The following SNRNP25 variants were observed in gnomAD, a reference collection of about 807,000 sequenced individuals.
SNRNP25 encodes U11/U12 small nuclear ribonucleoprotein 25 kDa protein.
In SNRNP25, 21 loss-of-function variants were observed where a neutral mutation model predicts 23.9. That is an observed-to-expected ratio of 0.88 (90% CI 0.62 to 1.27). SNRNP25 has a LOEUF of 1.27. Ranked by LOEUF, SNRNP25 falls within the 50% of genes most tolerant of loss-of-function variation. The probability of loss-of-function intolerance (pLI) is 0.00; values close to 1 mark genes in which losing one functional copy is unlikely to be tolerated. For synonymous variants in SNRNP25, 63 were observed against 60.4 expected, an observed-to-expected ratio of 1.04 and a Z score of -0.20; for missense variants, 160 against 156.9, an observed-to-expected ratio of 1.02 and a Z score of -0.11.
intron 2 of SNRNP25, 29 bp downstream of exon 2, chr16:55,578 A>C: frequency 6.2e-7 from 1 of 1,611,668 alleles, no homozygotes; most frequent in Non-Finnish European, 8.5e-7. Context: ...CCTTCAGGTT[A>C]TGTGGTCCAG....
chr16:54,277 G>A (rs1897379098), intron 1 of SNRNP25, among the ~76,000 whole-genome samples: 2 of 152,366 alleles, frequency 1.3e-5, no homozygotes, highest in South Asian at 4.1e-4. Context: ...GACATCAAAT[G>A]ACATTTTAAT....
Position 53,876 on chromosome 16 carries a change from G to T in SNRNP25, c.-141G>T, listed in dbSNP as rs1897372448. 1.3e-6 allele frequency: 2 copies of T among 1,487,122 alleles called. No individual in the cohort carries two copies. Among genetic ancestry groups the T allele is most frequent in the Non-Finnish European group, 1.8e-6 (2 of 1,099,266 alleles). 92.1% of individuals were successfully genotyped at this position (1,487,122 alleles called of 1,614,324 possible). ...GGCCTCCCTAGTGCGGGCTGGCAGT[G>T]CGGGCAGAGCCCGGCTGAGAGGGGC... is the stretch of plus-strand genomic sequence containing the variant. On this transcript the variant is annotated 5_prime_UTR_variant, in exon 1 of 5. Transcript: ENST00000293861.
intron 1 of SNRNP25, 40 bp from the exon 2 acceptor site, chr16:55,419 G>C (rs1382441320): frequency 1.3e-6 from 2 of 1,583,622 alleles, no homozygotes; most frequent in Non-Finnish European, 1.7e-6. Flanking sequence ...AGGTGGTAAA[G>C]AGAGCCAGGG....
intron 3 of SNRNP25, chr16:56,307 G>A (rs1288968647): frequency 1.7e-5 from 12 of 708,700 alleles, no homozygotes; most frequent in Non-Finnish European, 1.8e-5. Flanking sequence ...CAACACTGTC[G>A]CCTGTTGCAT....
In SNRNP25 at chr16:55,768, T is replaced by C. The variant is rs1398637474; in HGVS notation, c.134-9T>C. On this transcript the variant is annotated splice_polypyrimidine_tract_variant and intron_variant, in intron 2 of 4. Coordinates refer to ENST00000293861, the MANE Select transcript of SNRNP25 (RefSeq NM_024571.4). ...ATGGATCTTCTCCCATCTGTGTCCG[T>C]GGTTGCAGCCGTGGTTGTAGTGCAG... 2 of 1,613,706 alleles carry C rather than the reference T, an allele frequency of 1.2e-6. No homozygotes were observed. Among genetic ancestry groups the C allele is most frequent in the Non-Finnish European group, 8.5e-7 (1 of 1,179,860 alleles).
chr16:53,874 G>A lies in SNRNP25; in HGVS notation c.-143G>A, dbSNP rs1372247887. 24 of 1,486,874 alleles carry A rather than the reference G, an allele frequency of 1.6e-5. No individual in the cohort carries two copies. In the South Asian group the frequency reaches 2.5e-4, roughly 16 times the overall value. The allele number at this position is 1,486,874 out of a possible 1,614,324, so 92.1% of individuals were successfully genotyped here. On this transcript the variant is annotated 5_prime_UTR_variant, in exon 1 of 5. It adds an upstream start codon to the 5' untranslated region. Coordinates refer to ENST00000293861, the MANE Select transcript of SNRNP25 (RefSeq NM_024571.4). ...TTGGCCTCCCTAGTGCGGGCTGGCA[G>A]TGCGGGCAGAGCCCGGCTGAGAGGG...
At position 56,706 on chromosome 16, in the gene SNRNP25, C is replaced by T. The variant is rs57112603; in HGVS notation, c.314+93C>T. The T allele has an allele frequency of 3.8e-3, 5,183 of 1,351,756 alleles. 158 individuals are homozygous for T. In the African/African-American group the frequency reaches 0.065, roughly 17 times the overall value. 83.7% of individuals were successfully genotyped at this position (1,351,756 alleles called of 1,614,324 possible). A position where few individuals can be genotyped will look rare whatever the true frequency, so the allele number is the denominator to read the frequency against. ...TGCCAGAGGGCTGCGGCTCCCTCTCCGGAGATAACACCCTCCTCCAAGGAG... is the reference window on the plus strand; with the variant it reads ...TGCCAGAGGGCTGCGGCTCCCTCTCTGGAGATAACACCCTCCTCCAAGGAG... On this transcript the variant is annotated intron_variant, in intron 4 of 4. Transcript: ENST00000293861.
In SNRNP25 at chr16:56,410, G is replaced by A. The variant is rs1354071441; in HGVS notation, c.240-129G>A. 13 of 852,204 alleles carry A rather than the reference G, an allele frequency of 1.5e-5. No homozygotes were observed. The East Asian group carries it at 3.2e-4, about 21-fold the overall frequency. 52.8% of individuals were successfully genotyped at this position (852,204 alleles called of 1,614,324 possible). On this transcript the variant is annotated intron_variant, in intron 3 of 4. Coordinates refer to ENST00000293861, the MANE Select transcript of SNRNP25 (RefSeq NM_024571.4). ...TCAGACCCAATCTGCACATTGTACA[G>A]AACAGCCCAGGTAGGGAGGACAGCT...
intron 1 of SNRNP25, 114 bp from the exon 2 acceptor site, chr16:55,345 T>G: frequency 1.2e-6 from 1 of 869,446 alleles, no homozygotes; most frequent in Non-Finnish European, 1.9e-6. Flanking sequence ...CCACCCTTCC[T>G]TGCCCTTCGT....
Position 57,145 on chromosome 16 carries a change from C to T in SNRNP25, c.*2C>T, listed in dbSNP as rs748499873. On this transcript the variant is annotated 3_prime_UTR_variant, in exon 5 of 5. Transcript: ENST00000293861. ...ATCAAAAAGCTGAGGCAAAAGTGAG[C>T]CTCCAGACAGGACAACCCTCTTCAT... The T allele has an allele frequency of 5.0e-5, 81 of 1,613,916 alleles. No homozygotes were observed. The highest frequency in any genetic ancestry group is 6.1e-5 in the Non-Finnish European group (72 of 1,179,974).
At position 53,952 on chromosome 16, in the gene SNRNP25, A is replaced by T. The variant is rs1057240351; in HGVS notation, c.-65A>T. 2.5e-6 allele frequency: 4 copies of T among 1,591,890 alleles called. No individual in the cohort carries two copies. Among genetic ancestry groups the T allele is most frequent in the Non-Finnish European group, 1.7e-6 (2 of 1,170,580 alleles). Reference sequence around the variant, plus strand: ...GGTGGGCCCGAGGCGCAAGAGGAAGATGAGGACGAAGAAGAGGCGCTGCCG... The same window carrying T: ...GGTGGGCCCGAGGCGCAAGAGGAAGTTGAGGACGAAGAAGAGGCGCTGCCG... On this transcript the variant is annotated 5_prime_UTR_variant, in exon 1 of 5. It removes an upstream start codon present in the reference 5' UTR. Transcript: ENST00000293861.
Position 55,522 on chromosome 16 carries a change from G to A in SNRNP25, c.106G>A (p.Val36Met), listed in dbSNP as rs138670525. The part of the protein sequence containing the change: ...LEYGQAMTVR[V>M]CKMDGEVMPV... ...ATACGGCCAGGCAATGACGGTCCGA[G>A]TGTGCAAGATGGATGGAGAAGTAAT... Residue 36 changes from valine to methionine, a missense_variant, in exon 2 of 5, where the codon GTG becomes ATG. By Grantham distance (21) the Val-to-Met change is conservative. Coordinates refer to ENST00000293861, the MANE Select transcript of SNRNP25 (RefSeq NM_024571.4). 1.4e-5 allele frequency: 22 copies of A among 1,614,078 alleles called. No individual in the cohort carries two copies. The highest frequency in any genetic ancestry group is 1.9e-5 in the Non-Finnish European group (22 of 1,180,050).
chr16:55,556 G>A lies in SNRNP25; in HGVS notation c.133+7G>A, dbSNP rs1897396216. On this transcript the variant is annotated splice_region_variant and intron_variant, in intron 2 of 4. Transcript: ENST00000293861. ...ATGGATGGAGAAGTAATGCGTAAGT[G>A]CTACCCTCCTCCCTTCAGGTTATGT... 2.5e-6 allele frequency: 4 copies of A among 1,613,722 alleles called. No homozygotes were observed. The highest frequency in any genetic ancestry group is 1.3e-5 in the African/African-American group (1 of 74,884).
In SNRNP25 at chr16:55,449, T is replaced by C. The variant is rs751152183; in HGVS notation, c.43-10T>C. The C allele has an allele frequency of 1.2e-6, 2 of 1,613,830 alleles. No individual in the cohort carries two copies. Among genetic ancestry groups the C allele is most frequent in the South Asian group, 2.2e-5 (2 of 91,080 alleles). ...CCAGGGTTCCCACTTCTGCCCTTGGTCTTTTGTAGGTTACTCTGGAAGAAG... is the reference window on the plus strand; with the variant it reads ...CCAGGGTTCCCACTTCTGCCCTTGGCCTTTTGTAGGTTACTCTGGAAGAAG... On this transcript the variant is annotated splice_polypyrimidine_tract_variant and intron_variant, in intron 1 of 4. Transcript: ENST00000293861.
chr16:56,142 C>G, intron 3 of SNRNP25: 1 of 619,572 alleles, frequency 1.6e-6, no homozygotes, highest in South Asian at 1.8e-5. Flanking sequence ...TGCTGGGTAT[C>G]TTCACTTGGG....
intron 2 of SNRNP25, 71 bp downstream of exon 2, chr16:55,620 G>C: frequency 6.3e-7 from 1 of 1,584,424 alleles, no homozygotes; most frequent in Admixed American, 1.7e-5. Context: ...AACAGTGCTG[G>C]TCAGCCTGCT....
Position 57,405 on chromosome 16 carries a change from G to A in SNRNP25, c.*262G>A, listed in dbSNP as rs997438038. 38 of 553,438 alleles carry A rather than the reference G, an allele frequency of 6.9e-5. No homozygotes were observed. The highest frequency in any genetic ancestry group is 1.9e-4 in the African/African-American group (10 of 53,276). The allele number at this position is 553,438 out of a possible 1,614,324, so 34.3% of individuals were successfully genotyped here. On this transcript the variant is annotated 3_prime_UTR_variant, in exon 5 of 5. Transcript: ENST00000293861. ...TGCCCTAGTCACATGGCAGACCCAC[G>A]GCCTGGCCCACTGTATAAAATAAAC...
intron 2 of SNRNP25, 109 bp from the exon 3 acceptor site, chr16:55,668 A>T: frequency 6.5e-7 from 1 of 1,527,768 alleles, no homozygotes; most frequent in Non-Finnish European, 9.0e-7. Context: ...TACTGGGGCA[A>T]CCACAAACCT....
Position 56,584 on chromosome 16 carries a change from A to G in SNRNP25, c.285A>G (p.Lys95=). ...RTYHLTSAGE[K]LTEDRKKLRD... ...ACCATCTGACCTCTGCAGGAGAGAA[A>G]CTCACGGAAGACAGAAAGAAGCTCC... Residue 95 remains lysine, a synonymous_variant, in exon 4 of 5, where the codon AAA becomes AAG. Coordinates refer to ENST00000293861, the MANE Select transcript of SNRNP25 (RefSeq NM_024571.4). 6.2e-7 allele frequency: 1 copy of G among 1,613,996 alleles called. No homozygotes were observed. The highest frequency in any genetic ancestry group is 8.5e-7 in the Non-Finnish European group (1 of 1,180,024).
Sources: gnomAD v4.1 joint callset for allele counts (sites outside exome capture counted in the v4.1 genomes callset) on GRCh38, gnomAD v4.1.1 for gene constraint, MANE v1.5 for transcripts, NCBI Gene and HGNC (gene_info 2026-07-23, HGNC 2026-07-21) for gene names.